The following RAPGEF2 variants were observed in gnomAD, a reference collection of about 807,000 sequenced individuals.
The protein encoded by RAPGEF2 is Rap guanine nucleotide exchange factor 2, also known as PDZ domain containing guanine nucleotide exchange factor (GEF) 1.
In RAPGEF2, 54 loss-of-function variants were observed where a neutral mutation model predicts 186.7. The ratio of observed to expected loss-of-function variants is 0.29; its 90% confidence interval spans 0.23 to 0.36. The LOEUF (loss-of-function observed/expected upper bound fraction) is 0.36, where lower values mean the gene tolerates loss of function less well. Among genes scored for constraint, RAPGEF2 ranks in the 10% least tolerant of loss-of-function variants. The pLI, the probability that RAPGEF2 is intolerant of heterozygous loss-of-function variation, is 1.00. For synonymous variants in RAPGEF2, 712 were observed against 705.9 expected, an observed-to-expected ratio of 1.01 and a Z score of -0.14; for missense variants, 1,532 against 2,045.0, an observed-to-expected ratio of 0.75 and a Z score of 4.84.
intron 7 of RAPGEF2, among the ~76,000 whole-genome samples, chr4:159,260,530 G>A (rs1477021618): frequency 6.6e-6 from 1 of 151,946 alleles, no homozygotes; most frequent in Non-Finnish European, 1.5e-5. Context: ...GAGTGTGAAA[G>A]GATTTAAGAA....
chr4:159,127,409 C>A (rs1740468415), intron 1 of RAPGEF2, among the ~76,000 whole-genome samples: 1 of 152,160 alleles, frequency 6.6e-6, no homozygotes, highest in Non-Finnish European at 1.5e-5. Context: ...AAAAAACACA[C>A]CTTTTGATTT....
At chr4:159,248,008 C>T (rs1010009580) in intron 7 of RAPGEF2, among the ~76,000 whole-genome samples, 8 of 152,002 alleles carry the variant, frequency 5.3e-5, no homozygotes, top group African/African-American at 1.4e-4. Context: ...TTGATCCACC[C>T]GCCTTGGCCT....
intron 1 of RAPGEF2, among the ~76,000 whole-genome samples, chr4:159,132,463 G>A (rs1024508265): frequency 2.2e-4 from 34 of 152,282 alleles, no homozygotes; most frequent in East Asian, 1.2e-3. Flanking sequence ...AGTCTTGTTT[G>A]TTTCTCTTTG....
intron 8 of RAPGEF2, among the ~76,000 whole-genome samples, chr4:159,311,890 G>C (rs1158161968): frequency 2.0e-5 from 3 of 152,106 alleles, no homozygotes; most frequent in Non-Finnish European, 4.4e-5. Flanking sequence ...AGGTAAAATG[G>C]TTATTTATTC....
intron 3 of RAPGEF2, among the ~76,000 whole-genome samples, chr4:159,204,520 A>G (rs1749764205): frequency 6.6e-6 from 1 of 152,178 alleles, no homozygotes. Flanking sequence ...CTCAGCGGGG[A>G]TCATACAGTT....
chr4:159,335,955 C>T (rs1490733483), intron 17 of RAPGEF2, among the ~76,000 whole-genome samples: 2 of 151,416 alleles, frequency 1.3e-5, no homozygotes, highest in East Asian at 3.9e-4. Context: ...GTAATGATCT[C>T]GTGTCATGTA....
chr4:159,210,470 C>T lies in RAPGEF2; in HGVS notation c.198-30C>T, dbSNP rs138067772. ...TTTTTGTTGTTGTTGTTATAGGTAA[C>T]AATCTGATTCTGTTACCTTTTCTTT... On this transcript the variant is annotated intron_variant, in intron 3 of 29. Transcript: ENST00000691494. 1.8e-3 allele frequency: 2,632 copies of T among 1,440,482 alleles called. 16 individuals carry two copies. Among genetic ancestry groups the T allele is most frequent in the Middle Eastern group, 4.0e-3 (23 of 5,794 alleles). 89.2% of individuals were successfully genotyped at this position (1,440,482 alleles called of 1,614,324 possible).
At chr4:159,278,477 C>T (rs1375102254) in intron 7 of RAPGEF2, among the ~76,000 whole-genome samples, 3 of 152,100 alleles carry the variant, frequency 2.0e-5, no homozygotes, top group Non-Finnish European at 4.4e-5. Flanking sequence ...CAGGAGCTCT[C>T]GAAATTTAGC....
intron 1 of RAPGEF2, among the ~76,000 whole-genome samples, chr4:159,163,174 A>G (rs908996960): frequency 1.3e-5 from 2 of 152,204 alleles, no homozygotes; most frequent in Non-Finnish European, 2.9e-5. Flanking sequence ...AAATGGTTCA[A>G]TTATAAGAGT....
chr4:159,108,001 C>A (rs1738065005), intron 1 of RAPGEF2, among the ~76,000 whole-genome samples: 2 of 152,116 alleles, frequency 1.3e-5, no homozygotes, highest in African/African-American at 4.8e-5. Flanking sequence ...ACTAAACTAT[C>A]TGTATGCCAT....
Position 159,341,679 on chromosome 4 carries a change from A to G in RAPGEF2, c.2650A>G (p.Thr884Ala). 6.2e-7 allele frequency: 1 copy of G among 1,614,128 alleles called. No homozygotes were observed. The highest frequency in any genetic ancestry group is 8.5e-7 in the Non-Finnish European group (1 of 1,179,960). Reference sequence around the variant, plus strand: ...TCAGCTCAGCACTGTGGAAGTTGCAACACAGCTCTCTATGCGAAATTTTGA... The same window carrying G: ...TCAGCTCAGCACTGTGGAAGTTGCAGCACAGCTCTCTATGCGAAATTTTGA... ...LLQLSTVEVA[T>A]QLSMRNFELF... The change falls in exon 20 of 30, where the codon ACA (threonine) becomes GCA (alanine). Residue 884 changes from threonine (T) to alanine (A), a missense_variant. Thr to Ala is a moderately conservative substitution (Grantham distance 58). This residue lies in a region of RAPGEF2 where 810 missense variants were observed against 1,210.5 expected (regional missense o/e 0.67). Coordinates refer to ENST00000691494, the MANE Select transcript of RAPGEF2 (RefSeq NM_001394067.2).
chr4:159,257,669 C>T (rs527811758), intron 7 of RAPGEF2, among the ~76,000 whole-genome samples: 1 of 152,258 alleles, frequency 6.6e-6, no homozygotes, highest in Admixed American at 6.5e-5. Flanking sequence ...CTCCCAGCAC[C>T]ATTTATTAAA....
intron 7 of RAPGEF2, among the ~76,000 whole-genome samples, chr4:159,275,209 T>C (rs1052543568): frequency 4.6e-5 from 7 of 152,110 alleles, no homozygotes; most frequent in Admixed American, 4.6e-4. Context: ...TATATAAATA[T>C]GCCCCATATG....
intron 11 of RAPGEF2, among the ~76,000 whole-genome samples, chr4:159,326,482 T>A (rs1182444115): frequency 6.6e-6 from 1 of 152,232 alleles, no homozygotes; most frequent in African/African-American, 2.4e-5. Flanking sequence ...AATATTGGTT[T>A]CTGTAGTAAG....
intron 1 of RAPGEF2, among the ~76,000 whole-genome samples, chr4:159,165,182 G>C (rs2111231125): frequency 6.6e-6 from 1 of 152,148 alleles, no homozygotes; most frequent in African/African-American, 2.4e-5. Context: ...CAGCTGTTTT[G>C]TTGAACTGTT....
intron 4 of RAPGEF2, among the ~76,000 whole-genome samples, chr4:159,237,861 A>G (rs1011330017): frequency 6.9e-6 from 1 of 143,922 alleles, no homozygotes; most frequent in Non-Finnish European, 1.5e-5. Flanking sequence ...AAAAAAAAAA[A>G]AAAAAAAAAA....
chr4:159,137,894 G>A (rs181730122), intron 1 of RAPGEF2, among the ~76,000 whole-genome samples: 2 of 152,216 alleles, frequency 1.3e-5, no homozygotes, highest in Non-Finnish European at 2.9e-5. Flanking sequence ...GATTTAATGA[G>A]TTAAAAAATT....
chr4:159,273,630 C>G (rs542934977), intron 7 of RAPGEF2, among the ~76,000 whole-genome samples: 152 of 10,902 alleles, frequency 0.014, no homozygotes, highest in African/African-American at 0.048. Context: ...TAATCAGTTT[C>G]TTTCTTTCTT....
intron 1 of RAPGEF2, among the ~76,000 whole-genome samples, chr4:159,104,553 A>AGAGAGACAGAGAGAGAGAGAGAGTGT (rs1553991869): frequency 7.4e-6 from 1 of 136,028 alleles, no homozygotes; most frequent in South Asian, 2.4e-4. Flanking sequence ...AGAGAGAGAG[A>AGAGAGACAGAGAGAGAGAGAGAGTGT]GTGTGTGTGT....
Sources: allele counts gnomAD v4.1 joint callset (sites outside exome capture counted in the v4.1 genomes callset), GRCh38; gene constraint gnomAD v4.1.1; regional missense constraint gnomAD v4.1.1; transcripts MANE v1.5; gene names NCBI Gene and HGNC (gene_info 2026-07-23, HGNC 2026-07-21).